The following PILRA variants were observed in gnomAD, a reference collection of about 807,000 sequenced individuals.
The protein encoded by PILRA is paired immunoglobin like type 2 receptor alpha.
Under a neutral mutation model 33.1 loss-of-function variants are expected in PILRA, and 37 were observed. The ratio of observed to expected loss-of-function variants is 1.12; its 90% CI spans 0.86 to 1.47. PILRA has a LOEUF of 1.47. PILRA is among the 40% of genes most tolerant of loss of function. The pLI is 0.00. For missense variants in PILRA, 312 were observed against 376.2 expected (o/e 0.83, Z 1.41); for synonymous variants, 146 against 149.9 (o/e 0.97, Z 0.19).
At chr7:100,383,039 A>G (rs1055043037) in intron 2 of PILRA, among the ~76,000 whole-genome samples, 1 of 152,178 alleles carries the variant, frequency 6.6e-6, no homozygotes, top group Admixed American at 6.6e-5. Flanking sequence ...GAAAAGAGAA[A>G]AGAGTAGAAC....
intron 2 of PILRA, 65 bp downstream of exon 2, chr7:100,374,498 C>G (rs765926366): frequency 1.3e-6 from 2 of 1,591,984 alleles, no homozygotes; most frequent in African/African-American, 2.7e-5. Context: ...TCACTGGTGA[C>G]ATCGTCCCCA....
chr7:100,374,871 A>T, intron 2 of PILRA: 1 of 229,238 alleles, frequency 4.4e-6, no homozygotes, highest in Non-Finnish European at 8.9e-6. Flanking sequence ...CATACCTTGC[A>T]TCTCTCACAG....
rs182907761 is a variant in PILRA, at chr7:100,384,294, G to A, written c.455-5594G>A. Reference sequence around the variant, plus strand: ...ACATCTTACGTTTGAGTCGTTACTAGACATACAAATGGAGGTGTGAACAGG... The same window carrying A: ...ACATCTTACGTTTGAGTCGTTACTAAACATACAAATGGAGGTGTGAACAGG... On this transcript the variant is annotated intron_variant, in intron 2 of 6. Transcript: ENST00000198536. 2.0e-5 allele frequency among the ~76,000 whole-genome samples: 3 copies of A among 151,452 alleles called. No homozygotes were observed. In the East Asian group the frequency reaches 5.8e-4, roughly 30 times the overall value.
Position 100,399,904 on chromosome 7 carries a change from C to G in PILRA, c.909C>G (p.Ala303=). 1.2e-6 allele frequency: 2 copies of G among 1,604,428 alleles called. No individual in the cohort carries two copies. The highest frequency in any genetic ancestry group is 2.2e-5 in the South Asian group (2 of 89,844). Residue 303 remains alanine (A), a synonymous_variant, in exon 7 of 7, where the codon GCC becomes GCG. Transcript: ENST00000198536. ...QNETLYSVLK[A] ...AGACCCTGTACTCTGTCTTAAAGGC[C>G]TAACCAATGGACAGCCCTCTCAAGA...
intron 2 of PILRA, among the ~76,000 whole-genome samples, chr7:100,382,222 C>T (rs1416294752): frequency 6.6e-6 from 1 of 152,110 alleles, no homozygotes; most frequent in African/African-American, 2.4e-5. Flanking sequence ...TTGGAGAAAC[C>T]TTTATGTCTA....
At chr7:100,379,092 C>CAAACA (rs1423566868) in intron 2 of PILRA, among the ~76,000 whole-genome samples, 1 of 73,600 alleles carries the variant, frequency 1.4e-5, no homozygotes, top group Non-Finnish European at 2.7e-5. Context: ...GACTCTGTCT[C>CAAACA]AAAAAAAAAA....
At chr7:100,376,794 G>A (rs1790960199) in intron 2 of PILRA, among the ~76,000 whole-genome samples, 3 of 82,650 alleles carry the variant, frequency 3.6e-5, no homozygotes, top group East Asian at 3.7e-4. Context: ...TTTGAGACAA[G>A]AGTCTCGCTC....
At chr7:100,383,399 CA>C (rs998242779) in intron 2 of PILRA, among the ~76,000 whole-genome samples, 88 of 152,234 alleles carry the variant, frequency 5.8e-4, no homozygotes, top group African/African-American at 2.1e-3. Context: ...GGAGAAGCCC[CA>C]GGAAGATCCA....
chr7:100,374,060 T>C lies in PILRA; in HGVS notation c.81T>C (p.Ser27=), dbSNP rs368581283. 4.5e-5 allele frequency: 72 copies of C among 1,613,844 alleles called. No homozygotes were observed. The highest frequency in any genetic ancestry group is 1.7e-5 in the Admixed American group (1 of 59,994). Residue 27 remains serine (S), a synonymous_variant, in exon 2 of 7, where the codon TCT becomes TCC. Coordinates refer to ENST00000198536, the MANE Select transcript of PILRA (RefSeq NM_013439.3). ...CTCCTCTAGGTGGCTCCACAGGATC[T>C]GGTCCAAGCTACCTTTATGGGGTCA... The part of the protein sequence containing the change: ...AFLQPSGSTG[S]GPSYLYGVTQ...
Position 100,389,999 on chromosome 7 carries a change from C to T in PILRA, c.566C>T (p.Ser189Phe), listed in dbSNP as rs1791350227. 6.2e-7 allele frequency: 1 copy of T among 1,613,964 alleles called. No homozygotes were observed. Among genetic ancestry groups the T allele is most frequent in the African/African-American group, 1.3e-5 (1 of 74,914 alleles). Residue 189 changes from serine (S) to phenylalanine (F), a missense_variant, in exon 3 of 7, where the codon TCT becomes TTT. Transcript: ENST00000198536. ...ACACAGGGCAAACGACGCTCAGACTCTTGGCACATAAGTCTGGAGACTGCT... is the reference window on the plus strand; with the variant it reads ...ACACAGGGCAAACGACGCTCAGACTTTTGGCACATAAGTCTGGAGACTGCT... ...RVTQGKRRSD[S>F]WHISLETAVG... is the part of the protein sequence containing the mutation.
chr7:100,373,956 T>C, intron 1 of PILRA, 88 bp from the exon 2 acceptor site: 1 of 1,518,244 alleles, frequency 6.6e-7, no homozygotes, highest in East Asian at 2.3e-5. Flanking sequence ...TGCCTGTGGG[T>C]GAAGGTGCGG....
rs140965351 is a variant in PILRA, at chr7:100,392,650, C to T, written c.673+2544C>T. ...ACAGTACAATATTGGCATATTCATA[C>T]ACAGATAAAGCAATGGAAGAAAAGA... is the stretch of plus-strand genomic sequence containing the variant. On this transcript the variant is annotated intron_variant, in intron 3 of 6. Coordinates refer to ENST00000198536, the MANE Select transcript of PILRA (RefSeq NM_013439.3). 7.4e-3 allele frequency among the ~76,000 whole-genome samples: 1,118 copies of T among 152,100 alleles called. 17 individuals are homozygous for T. The highest frequency in any genetic ancestry group is 6.9e-3 in the Non-Finnish European group (471 of 67,994).
chr7:100,379,511 C>CA (rs568679865), intron 2 of PILRA, among the ~76,000 whole-genome samples: 14 of 151,324 alleles, frequency 9.3e-5, no homozygotes, highest in Non-Finnish European at 1.9e-4. Context: ...ACTAAAAATA[C>CA]AAAAAAATTA....
chr7:100,372,444 T>C (rs1302743789), upstream of PILRA, among the ~76,000 whole-genome samples: 1 of 151,904 alleles, frequency 6.6e-6, no homozygotes, highest in Non-Finnish European at 1.5e-5. Flanking sequence ...AATCCTGTCT[T>C]CCCCCACGGC....
At chr7:100,385,597 G>A (rs1285147248) in intron 2 of PILRA, among the ~76,000 whole-genome samples, 1 of 152,030 alleles carries the variant, frequency 6.6e-6, no homozygotes, top group East Asian at 1.9e-4. Context: ...TTTCATTCCA[G>A]TATATATACA....
chr7:100,381,996 T>TCCCCACCCCCACCCCCA (rs1056078553), intron 2 of PILRA, among the ~76,000 whole-genome samples: 6 of 128,588 alleles, frequency 4.7e-5, no homozygotes, highest in Non-Finnish European at 1.7e-5. Context: ...CATGCCTCAG[T>TCCCCACCCCCACCCCCA]CCCCACCCCC....
intron 2 of PILRA, among the ~76,000 whole-genome samples, chr7:100,381,766 C>G (rs1791101203): frequency 6.6e-6 from 1 of 152,192 alleles, no homozygotes; most frequent in South Asian, 2.1e-4. Flanking sequence ...GCGCGCGGCG[C>G]TTGCGGGCCA....
chr7:100,389,424 C>T (rs779905776), intron 2 of PILRA, among the ~76,000 whole-genome samples: 4 of 152,080 alleles, frequency 2.6e-5, no homozygotes, highest in African/African-American at 4.8e-5. Flanking sequence ...CCTGTATTGG[C>T]AACAATAGAC....
chr7:100,392,271 T>C (rs1791403604), intron 3 of PILRA, among the ~76,000 whole-genome samples: 1 of 152,210 alleles, frequency 6.6e-6, no homozygotes, highest in Non-Finnish European at 1.5e-5. Flanking sequence ...AGAGTACCAC[T>C]GCACTCCAGC....
Sources: gnomAD v4.1 joint callset for allele counts (sites outside exome capture counted in the v4.1 genomes callset) on GRCh38, gnomAD v4.1.1 for gene constraint, MANE v1.5 for transcripts, NCBI Gene and HGNC (gene_info 2026-07-23, HGNC 2026-07-21) for gene names.